Variants in CEP83 observed in about 807,000 individuals in gnomAD.
CEP83 encodes centrosomal protein of 83 kDa.
CEP83 carries 70 observed loss-of-function variants against 101.9 expected under a neutral mutation model. The observed-to-expected ratio is 0.69, with a 90% CI of 0.57 to 0.84. The LOEUF is 0.84. Among genes scored for constraint, CEP83 ranks in the 40% least tolerant of loss-of-function variants. The pLI is 0.00. For missense variants in CEP83, 715 were observed against 787.2 expected (o/e 0.91, Z 1.10); for synonymous variants, 264 against 267.9 (o/e 0.99, Z 0.14).
chr12:94,278,545 A>G, the CEP83 span, among the ~76,000 whole-genome samples: 56 of 152,212 alleles, frequency 3.7e-4, 1 homozygote, highest in Admixed American at 2.6e-3. Context: ...ACAAAATGTT[A>G]AGTAATGGTG....
intron 14 of CEP83, among the ~76,000 whole-genome samples, chr12:94,314,584 A>G (rs1180180118): frequency 6.6e-6 from 1 of 152,198 alleles, no homozygotes; most frequent in African/African-American, 2.4e-5. Flanking sequence ...CGATTATTGC[A>G]TAACCTAGTA....
At chr12:94,343,875 T>C (rs1184690613) in intron 11 of CEP83, among the ~76,000 whole-genome samples, 1 of 152,196 alleles carries the variant, frequency 6.6e-6, no homozygotes, top group African/African-American at 2.4e-5. Context: ...CTTCAAGATA[T>C]GACTACATTT....
chr12:94,273,757 C>T, the CEP83 span, among the ~76,000 whole-genome samples: 2 of 152,140 alleles, frequency 1.3e-5, no homozygotes, highest in South Asian at 2.1e-4. Context: ...CATCAATAGA[C>T]GAATCTACCT....
At chr12:94,271,049 C>T in the CEP83 span, among the ~76,000 whole-genome samples, 2 of 152,292 alleles carry the variant, frequency 1.3e-5, no homozygotes, top group East Asian at 3.9e-4. Flanking sequence ...GCTGCTTCTA[C>T]GGAACTTCTG....
chr12:94,361,668 C>A (rs1183739893), intron 11 of CEP83: 1 of 152,062 alleles, frequency 6.6e-6, no homozygotes, highest in East Asian at 1.9e-4. Flanking sequence ...AAGAGACAAC[C>A]TATACAATGG....
At chr12:94,301,049 C>A in the CEP83 span, 6 of 1,613,526 alleles carry the variant, frequency 3.7e-6, no homozygotes, top group Non-Finnish European at 5.1e-6. Context: ...AGAGCAGCAA[C>A]TAGGGAAGGT....
intron 2 of CEP83, among the ~76,000 whole-genome samples, chr12:94,414,765 G>T (rs2137846845): frequency 6.6e-6 from 1 of 152,202 alleles, no homozygotes; most frequent in African/African-American, 2.4e-5. Context: ...ATATTTGGGG[G>T]TTAATAAATA....
intron 14 of CEP83, among the ~76,000 whole-genome samples, chr12:94,315,498 G>A (rs1273276158): frequency 6.6e-6 from 1 of 152,028 alleles, no homozygotes; most frequent in Non-Finnish European, 1.5e-5. Context: ...AGATATATAT[G>A]TATTGCAGAT....
chr12:94,279,952 T>G, the CEP83 span: 1 of 483,926 alleles, frequency 2.1e-6, no homozygotes, highest in Non-Finnish European at 3.8e-6. Flanking sequence ...GGAATCACCT[T>G]GCATCATGAA....
intron 1 of CEP83, among the ~76,000 whole-genome samples, chr12:94,446,599 T>C (rs1033771518): frequency 2.6e-5 from 4 of 151,930 alleles, no homozygotes; most frequent in African/African-American, 7.3e-5. Flanking sequence ...TCCCAGCTAC[T>C]TGGAAGGCTG....
rs150652681 is a variant in CEP83, at chr12:94,451,357, A to C, written c.-155+8200T>G. 1.7e-3 allele frequency among the ~76,000 whole-genome samples: 254 copies of C among 152,162 alleles called. 1 individual carries two copies. Among genetic ancestry groups the C allele is most frequent in the Middle Eastern group, 3.4e-3 (1 of 294 alleles). ...TCAAAAGACAACAGTAAAAATATGAAAAGCCAAGACACCAACTGGGAGAAA... is the reference window on the plus strand; with the variant it reads ...TCAAAAGACAACAGTAAAAATATGACAAGCCAAGACACCAACTGGGAGAAA... On this transcript the variant is annotated intron_variant, in intron 1 of 16. Coordinates refer to ENST00000397809, the MANE Select transcript of CEP83 (RefSeq NM_016122.3).
chr12:94,448,246 C>T (rs1238050376), intron 1 of CEP83, among the ~76,000 whole-genome samples: 1 of 151,990 alleles, frequency 6.6e-6, no homozygotes, highest in Non-Finnish European at 1.5e-5. Context: ...AACAGGGTCA[C>T]TATATCAGGA....
At chr12:94,435,372 T>A (rs747480056) in intron 1 of CEP83, 45 bp from the exon 2 acceptor site, 4 of 152,218 alleles carry the variant, frequency 2.6e-5, no homozygotes, top group Non-Finnish European at 5.9e-5. Flanking sequence ...AAACAGGACT[T>A]ACTAAGTTTC....
intron 1 of CEP83, among the ~76,000 whole-genome samples, chr12:94,453,280 TTC>T (rs571939846): frequency 4.7e-4 from 71 of 152,290 alleles, no homozygotes; most frequent in Middle Eastern, 3.4e-3. Flanking sequence ...TTGATGACTC[TTC>T]TCTCTCTCCA....
At chr12:94,376,098 T>C in intron 7 of CEP83, 81 bp from the exon 8 acceptor site, 7 of 851,382 alleles carry the variant, frequency 8.2e-6, no homozygotes, top group Non-Finnish European at 9.8e-6. Flanking sequence ...AAAATACATT[T>C]ATAATTATAC....
intron 16 of CEP83, 56 bp from the exon 17 acceptor site, chr12:94,308,973 T>C (rs181222025): frequency 1.6e-6 from 2 of 1,247,210 alleles, no homozygotes; most frequent in South Asian, 2.4e-5. Context: ...AACTGTTAGG[T>C]AGCAACCTTG....
intron 6 of CEP83, among the ~76,000 whole-genome samples, chr12:94,389,823 C>T (rs1255439804): frequency 6.6e-6 from 1 of 152,274 alleles, no homozygotes; most frequent in African/African-American, 2.4e-5. Flanking sequence ...CTCTCCCATG[C>T]CTGGCTCGGT....
chr12:94,457,726 T>C (rs11107544), intron 1 of CEP83, among the ~76,000 whole-genome samples: 23,589 of 152,222 alleles, frequency 0.15, 2,251 homozygotes, highest in South Asian at 0.23. Context: ...TTCAAAGAAG[T>C]CATTTAGTCT....
intron 11 of CEP83, chr12:94,361,174 C>A (rs936571741): frequency 2.0e-5 from 3 of 152,076 alleles, no homozygotes; most frequent in African/African-American, 7.2e-5. Context: ...GGACATTGCC[C>A]TAGGGGAAGA....
Sources: allele counts gnomAD v4.1 joint callset (sites outside exome capture counted in the v4.1 genomes callset), GRCh38; gene constraint gnomAD v4.1.1; transcripts MANE v1.5; gene names NCBI Gene and HGNC (gene_info 2026-07-23, HGNC 2026-07-21).